The following SH3RF3 variants were observed in gnomAD, a reference collection of about 807,000 sequenced individuals.
The protein encoded by SH3RF3 is SH3 domain containing ring finger 3, also known as E3 ubiquitin-protein ligase SH3RF3.
A neutral mutation model predicts 66.3 loss-of-function variants in SH3RF3; 29 were observed. The ratio of observed to expected loss-of-function variants is 0.44; its 90% confidence interval spans 0.33 to 0.60. SH3RF3 has a LOEUF of 0.60. SH3RF3 is among the 20% of genes least tolerant of loss of function. SH3RF3 has a pLI of 0.04. For synonymous variants in SH3RF3, 583 were observed against 532.0 expected, an observed-to-expected ratio of 1.10 and a Z score of -1.32; for missense variants, 1,194 against 1,190.9, an observed-to-expected ratio of 1.00 and a Z score of -0.04.
chr2:109,454,045 G>A (rs574469316), intron 8 of SH3RF3, among the ~76,000 whole-genome samples: 13 of 152,324 alleles, frequency 8.5e-5, no homozygotes, highest in South Asian at 4.1e-4. Flanking sequence ...TAAATATCCT[G>A]TAACTTAAAT....
At chr2:109,384,038 C>G (rs1675761138) in intron 3 of SH3RF3, among the ~76,000 whole-genome samples, 1 of 152,218 alleles carries the variant, frequency 6.6e-6, no homozygotes, top group South Asian at 2.1e-4. Context: ...CTGCTTCCAT[C>G]AGAGGACCAC....
intron 2 of SH3RF3, among the ~76,000 whole-genome samples, chr2:109,361,404 T>C (rs912885917): frequency 2.6e-5 from 4 of 152,236 alleles, no homozygotes; most frequent in Non-Finnish European, 5.9e-5. Context: ...TTCATTTATA[T>C]GTTTGGTAGA....
rs187037120 is a variant in SH3RF3 at position 109,497,977 on chromosome 2, T to C, written c.2481-3526T>C. Among the ~76,000 whole-genome samples the C allele has an allele frequency of 2.1e-4, 32 of 152,234 alleles. No homozygotes were observed. The East Asian group carries it at 6.2e-3, about 29-fold the overall frequency. ...GTGGAGGATGGCAGAAGGCCACAGG[T>C]AGGATGGCGCTGATCCTGTGGGCCC... is the stretch of plus-strand genomic sequence containing the variant. On this transcript the variant is annotated intron_variant, in intron 9 of 9. Transcript: ENST00000309415.
At chr2:109,419,433 G>A in intron 4 of SH3RF3, 106 bp from the exon 5 acceptor site, 1 of 1,188,022 alleles carries the variant, frequency 8.4e-7, no homozygotes, top group Non-Finnish European at 1.2e-6. Flanking sequence ...CAGCCAGGCA[G>A]CTGGCGAAGC....
At chr2:109,150,804 G>C (rs747878174) in intron 1 of SH3RF3, among the ~76,000 whole-genome samples, 2 of 152,030 alleles carry the variant, frequency 1.3e-5, no homozygotes, top group Admixed American at 6.5e-5. Context: ...TTATCAGGCT[G>C]TTCAGACTTG....
At chr2:109,343,710 GC>G (rs1281260273) in intron 1 of SH3RF3, among the ~76,000 whole-genome samples, 5 of 151,066 alleles carry the variant, frequency 3.3e-5, no homozygotes, top group African/African-American at 1.2e-4. Flanking sequence ...TCTCCAGTCT[GC>G]CCCTGCTTCT....
chr2:109,478,379 A>T (rs1283758360), intron 8 of SH3RF3, among the ~76,000 whole-genome samples: 2 of 152,218 alleles, frequency 1.3e-5, no homozygotes, highest in Non-Finnish European at 2.9e-5. Context: ...TTACGTCTTT[A>T]AATCAAGATG....
intron 1 of SH3RF3, among the ~76,000 whole-genome samples, chr2:109,150,758 T>G (rs1677208581): frequency 6.6e-6 from 1 of 152,176 alleles, no homozygotes; most frequent in Non-Finnish European, 1.5e-5. Flanking sequence ...GTTAGAATTC[T>G]GTTCTGATCT....
At chr2:109,226,836 C>T (rs968350881) in intron 1 of SH3RF3, among the ~76,000 whole-genome samples, 1 of 152,148 alleles carries the variant, frequency 6.6e-6, no homozygotes, top group Non-Finnish European at 1.5e-5. Flanking sequence ...GAACCAGGAC[C>T]CCTACAGCTG....
In SH3RF3 at chr2:109,222,498, TAA is replaced by T. The variant is rs958502922; in HGVS notation, c.573+92389_573+92390del. 3.6e-3 allele frequency among the ~76,000 whole-genome samples: 403 copies of T among 111,818 alleles called. 2 individuals are homozygous for T. Among genetic ancestry groups the T allele is most frequent in the African/African-American group, 0.023 (361 of 15,474 alleles). The allele number at this position is 111,818 out of a possible 152,430, so 73.4% of individuals were successfully genotyped here. ...ATCAGTAAAAGTTCCTCCAAAAAAA[TAA>T]AAAGAGTCCATCCTTCAGCAGAGGG... On this transcript the variant is annotated intron_variant, in intron 1 of 9. Coordinates refer to ENST00000309415, the MANE Select transcript of SH3RF3 (RefSeq NM_001099289.3).
rs182366482 is a variant in SH3RF3 at position 109,262,609 on chromosome 2, A to G, written c.574-85065A>G. Among the ~76,000 whole-genome samples, 165 of 152,314 alleles carry G rather than the reference A, an allele frequency of 1.1e-3. 1 individual carries two copies. The highest frequency in any genetic ancestry group is 3.8e-3 in the African/African-American group (156 of 41,554). The stretch of plus-strand genomic sequence containing the variant: ...AAAGAAGCTGAGAAATGAAAGAGCA[A>G]TTGTATGTCTACAACTTTTGTGATA... On this transcript the variant is annotated intron_variant, in intron 1 of 9. Transcript: ENST00000309415.
intron 1 of SH3RF3, among the ~76,000 whole-genome samples, chr2:109,136,582 C>T (rs976064560): frequency 2.6e-5 from 4 of 152,142 alleles, no homozygotes; most frequent in Admixed American, 2.0e-4. Flanking sequence ...GATGGCTCTG[C>T]ACATCCTTGG....
intron 5 of SH3RF3, among the ~76,000 whole-genome samples, chr2:109,422,883 C>T (rs990526257): frequency 2.0e-5 from 3 of 152,084 alleles, no homozygotes; most frequent in East Asian, 1.9e-4. Context: ...AGGAGCCATC[C>T]GAGATGTCCT....
intron 1 of SH3RF3, among the ~76,000 whole-genome samples, chr2:109,189,895 T>A (rs1051701954): frequency 6.6e-6 from 1 of 152,172 alleles, no homozygotes; most frequent in Admixed American, 6.5e-5. Flanking sequence ...GGAGCGATCA[T>A]ACTTTCTGCA....
At chr2:109,277,083 C>T (rs920278179) in intron 1 of SH3RF3, among the ~76,000 whole-genome samples, 2 of 152,150 alleles carry the variant, frequency 1.3e-5, no homozygotes, top group East Asian at 3.8e-4. Flanking sequence ...GTCAGCCCCA[C>T]GCCGGCGGTC....
At chr2:109,437,876 A>G (rs1009286534) in intron 7 of SH3RF3, among the ~76,000 whole-genome samples, 2 of 152,112 alleles carry the variant, frequency 1.3e-5, no homozygotes, top group Non-Finnish European at 2.9e-5. Flanking sequence ...ATGATCTGGG[A>G]GCCCATGCCA....
chr2:109,227,836 C>T (rs1391281703), intron 1 of SH3RF3, among the ~76,000 whole-genome samples: 1 of 152,230 alleles, frequency 6.6e-6, no homozygotes, highest in East Asian at 1.9e-4. Flanking sequence ...CTCTGGCAAT[C>T]TCCCTTGGCC....
chr2:109,193,437 G>A (rs545754249), intron 1 of SH3RF3, among the ~76,000 whole-genome samples: 2 of 152,128 alleles, frequency 1.3e-5, no homozygotes, highest in East Asian at 3.8e-4. Context: ...TCTCCTTACT[G>A]TCACCCCAGC....
At chr2:109,220,815 G>T (rs746437840) in intron 1 of SH3RF3, among the ~76,000 whole-genome samples, 1 of 152,194 alleles carries the variant, frequency 6.6e-6, no homozygotes, top group Non-Finnish European at 1.5e-5. Flanking sequence ...CATATAAAAT[G>T]GTACAGCTGC....
Sources: gnomAD v4.1 joint callset for allele counts (sites outside exome capture counted in the v4.1 genomes callset) on GRCh38, gnomAD v4.1.1 for gene constraint, MANE v1.5 for transcripts, NCBI Gene and HGNC (gene_info 2026-07-23, HGNC 2026-07-21) for gene names.